The following MSH3 variants were observed in gnomAD, a reference collection of about 807,000 sequenced individuals.
The protein encoded by MSH3 is DNA mismatch repair protein Msh3.
In MSH3, 106 loss-of-function variants were observed where a neutral mutation model predicts 123.3. The ratio of observed to expected loss-of-function variants is 0.86; its 90% CI spans 0.73 to 1.01. The LOEUF (loss-of-function observed/expected upper bound fraction) is 1.01. Among genes scored for constraint, MSH3 ranks in the 50% least tolerant of loss-of-function variants. MSH3 has a pLI of 0.00. For synonymous variants in MSH3, 515 were observed against 481.4 expected (o/e 1.07, Z -0.91); for missense variants, 1,459 against 1,347.6 (o/e 1.08, Z -1.29).
chr5:80,737,196 A>G (rs1054083513), intron 10 of MSH3, among the ~76,000 whole-genome samples: 1 of 152,262 alleles, frequency 6.6e-6, no homozygotes, highest in Non-Finnish European at 1.5e-5. Flanking sequence ...CAAGTGATGA[A>G]TTTATGAACT....
intron 13 of MSH3, among the ~76,000 whole-genome samples, chr5:80,767,567 G>A (rs1481908816): frequency 6.6e-6 from 1 of 151,968 alleles, no homozygotes; most frequent in Non-Finnish European, 1.5e-5. Context: ...TTGTCAATTT[G>A]TAAGAGCCTA....
At chr5:80,711,472 T>C (rs1750855699) in intron 8 of MSH3, among the ~76,000 whole-genome samples, 2 of 152,112 alleles carry the variant, frequency 1.3e-5, no homozygotes, top group South Asian at 4.1e-4. Flanking sequence ...TCCTGTTGGC[T>C]CATTCCGAGG....
intron 20 of MSH3, among the ~76,000 whole-genome samples, chr5:80,817,037 G>T (rs149387586): frequency 1.3e-5 from 2 of 152,184 alleles, no homozygotes; most frequent in African/African-American, 2.4e-5. Context: ...ATTGGGTGTG[G>T]ATGAGATCAT....
At chr5:80,692,611 A>AAT (rs1311605210) in intron 8 of MSH3, among the ~76,000 whole-genome samples, 2 of 146,490 alleles carry the variant, frequency 1.4e-5, no homozygotes, top group African/African-American at 4.9e-5. Context: ...TATATAGATG[A>AAT]ATATATATAA....
At chr5:80,666,234 T>C (rs1561434686) in intron 3 of MSH3, among the ~76,000 whole-genome samples, 1 of 152,298 alleles carries the variant, frequency 6.6e-6, no homozygotes, top group African/African-American at 2.4e-5. Context: ...GTAGCTGTGA[T>C]TGACAACCAT....
chr5:80,789,508 T>C (rs1744572255), intron 18 of MSH3, among the ~76,000 whole-genome samples: 1 of 152,044 alleles, frequency 6.6e-6, no homozygotes, highest in African/African-American at 2.4e-5. Context: ...GTAGCTGAGA[T>C]TACAGGCGTG....
In MSH3 at chr5:80,722,960, A is replaced by T. The variant is rs536417555; in HGVS notation, c.1341-2493A>T. Among the ~76,000 whole-genome samples, 192 of 152,178 alleles carry T rather than the reference A, an allele frequency of 1.3e-3. 2 individuals carry two copies. The highest frequency in any genetic ancestry group is 4.5e-3 in the African/African-American group (187 of 41,548). On this transcript the variant is annotated intron_variant, in intron 8 of 23. Transcript: ENST00000265081. ...TATCTACTAAAAATACAAAAAAATTAGCTGGGCGTGGTAATGCCTATCTGT... is the reference window on the plus strand; with the variant it reads ...TATCTACTAAAAATACAAAAAAATTTGCTGGGCGTGGTAATGCCTATCTGT...
At chr5:80,692,650 A>ATGTT (rs1750327608) in intron 8 of MSH3, among the ~76,000 whole-genome samples, 1 of 141,042 alleles carries the variant, frequency 7.1e-6, no homozygotes, top group Non-Finnish European at 1.6e-5. Flanking sequence ...ATGTTTATAT[A>ATGTT]GATATATATA....
At chr5:80,766,282 A>G (rs1744120610) in intron 13 of MSH3, among the ~76,000 whole-genome samples, 1 of 135,610 alleles carries the variant, frequency 7.4e-6, no homozygotes, top group African/African-American at 2.7e-5. Flanking sequence ...TTATTTGTTT[A>G]CTTTATAGCT....
chr5:80,752,560 G>T (rs1203986472), intron 12 of MSH3, among the ~76,000 whole-genome samples: 2 of 152,064 alleles, frequency 1.3e-5, no homozygotes. Context: ...TGTCACTTTG[G>T]AGAAGTTATG....
At chr5:80,858,470 T>G (rs1745955520) in intron 21 of MSH3, among the ~76,000 whole-genome samples, 1 of 152,244 alleles carries the variant, frequency 6.6e-6, no homozygotes. Context: ...TTGACCCATA[T>G]GTTTTTTAAG....
At chr5:80,754,277 A>G (rs1743885327) in intron 12 of MSH3, among the ~76,000 whole-genome samples, 1 of 151,978 alleles carries the variant, frequency 6.6e-6, no homozygotes, top group Non-Finnish European at 1.5e-5. Context: ...AAAAGCAAAT[A>G]TGAATTTTAT....
At chr5:80,798,999 G>A (rs1206355330) in intron 19 of MSH3, among the ~76,000 whole-genome samples, 1 of 152,192 alleles carries the variant, frequency 6.6e-6, no homozygotes, top group Non-Finnish European at 1.5e-5. Context: ...CAAGTGTAGT[G>A]GGAAAGTGGC....
intron 11 of MSH3, among the ~76,000 whole-genome samples, chr5:80,742,692 T>C (rs193213353): frequency 2.1e-4 from 32 of 152,336 alleles, no homozygotes; most frequent in African/African-American, 7.5e-4. Context: ...TTTTGTTCAG[T>C]AACATTTTTA....
In MSH3 at chr5:80,676,446, A is replaced by G. The variant is rs1231072470; in HGVS notation, c.1173+1318A>G. On this transcript the variant is annotated intron_variant, in intron 7 of 23. Coordinates refer to ENST00000265081, the MANE Select transcript of MSH3 (RefSeq NM_002439.5). ...TTAAGGCCCTTCAGAACAATCAGAC[A>G]CCCCTTTTCTGTTGTAAGTTAAGCA... 2.0e-5 allele frequency among the ~76,000 whole-genome samples: 3 copies of G among 152,178 alleles called. No individual in the cohort carries two copies. In the East Asian group the frequency reaches 5.8e-4, roughly 29 times the overall value.
chr5:80,766,493 C>T (rs1006127653), intron 13 of MSH3, among the ~76,000 whole-genome samples: 2 of 151,674 alleles, frequency 1.3e-5, no homozygotes, highest in Non-Finnish European at 2.9e-5. Flanking sequence ...CACAGGCGAG[C>T]GCCACCACAC....
At chr5:80,710,980 T>C (rs1750845604) in intron 8 of MSH3, among the ~76,000 whole-genome samples, 1 of 152,172 alleles carries the variant, frequency 6.6e-6, no homozygotes, top group Non-Finnish European at 1.5e-5. Context: ...TACTTTCCCA[T>C]CAGGTTTGCC....
intron 10 of MSH3, among the ~76,000 whole-genome samples, chr5:80,735,314 G>GC (rs1227502169): frequency 1.3e-5 from 2 of 151,250 alleles, no homozygotes; most frequent in Non-Finnish European, 2.9e-5. Context: ...AACCTAGGAG[G>GC]CGGAGGTTCC....
chr5:80,672,203 A>T, intron 4 of MSH3, 41 bp from the exon 5 acceptor site: 1 of 1,406,390 alleles, frequency 7.1e-7, no homozygotes, highest in Non-Finnish European at 1.0e-6. Flanking sequence ...AGGGAATCTT[A>T]AAATATAAAT....
Sources: allele counts gnomAD v4.1 joint callset (sites outside exome capture counted in the v4.1 genomes callset), GRCh38; gene constraint gnomAD v4.1.1; transcripts MANE v1.5; gene names NCBI Gene and HGNC (gene_info 2026-07-23, HGNC 2026-07-21).